Variants in MACROD2 observed in about 807,000 individuals in gnomAD.
MACROD2 encodes ADP-ribose glycohydrolase MACROD2.
A neutral mutation model predicts 70.4 loss-of-function variants in MACROD2; 36 were observed. The ratio of observed to expected loss-of-function variants is 0.51; its 90% confidence interval spans 0.39 to 0.68. MACROD2 has a LOEUF of 0.68. Ranked by LOEUF, MACROD2 falls within the 30% of genes least tolerant of loss-of-function variation. The pLI, the probability that MACROD2 is intolerant of heterozygous loss-of-function variation, is 0.00. For synonymous variants in MACROD2, 172 were observed against 178.8 expected, an observed-to-expected ratio of 0.96 and a Z score of 0.30; for missense variants, 496 against 538.4, an observed-to-expected ratio of 0.92 and a Z score of 0.78.
At chr20:15,911,703 AAG>A (rs1395108431) in intron 10 of MACROD2, among the ~76,000 whole-genome samples, 6 of 152,192 alleles carry the variant, frequency 3.9e-5, no homozygotes, top group African/African-American at 1.4e-4. Flanking sequence ...AGCTAAACAA[AAG>A]AGAGAGTGCC....
intron 6 of MACROD2, among the ~76,000 whole-genome samples, chr20:15,396,311 A>C (rs2045859814): frequency 6.6e-6 from 1 of 152,236 alleles, no homozygotes; most frequent in Non-Finnish European, 1.5e-5. Context: ...TAGCTCTATG[A>C]GTCAGGTGCC....
At chr20:15,452,608 C>T (rs1164494053) in intron 7 of MACROD2, among the ~76,000 whole-genome samples, 1 of 152,114 alleles carries the variant, frequency 6.6e-6, no homozygotes, top group African/African-American at 2.4e-5. Flanking sequence ...TGAATCACAT[C>T]AAGCAAGAAT....
intron 3 of MACROD2, among the ~76,000 whole-genome samples, chr20:14,468,027 C>A (rs1180799589): frequency 6.6e-6 from 1 of 151,906 alleles, no homozygotes; most frequent in African/African-American, 2.4e-5. Context: ...GTTTTACTTC[C>A]AATAATGTGG....
At chr20:14,071,261 T>TTTG (rs1569145249) in intron 2 of MACROD2, among the ~76,000 whole-genome samples, 3 of 114,690 alleles carry the variant, frequency 2.6e-5, no homozygotes, top group Non-Finnish European at 5.9e-5. Context: ...TGTTTTTTTT[T>TTTG]TTTTTTTTTT....
chr20:15,785,655 G>C (rs969202312), intron 8 of MACROD2, among the ~76,000 whole-genome samples: 7 of 152,094 alleles, frequency 4.6e-5, no homozygotes, highest in South Asian at 4.1e-4. Flanking sequence ...TTGAAGCAGA[G>C]AGCCCTAACT....
At chr20:14,705,572 G>A (rs1286793540) in intron 5 of MACROD2, among the ~76,000 whole-genome samples, 2 of 152,044 alleles carry the variant, frequency 1.3e-5, no homozygotes, top group African/African-American at 4.8e-5. Context: ...AAATCAGAAG[G>A]TTGCAGACTG....
In MACROD2 at chr20:15,353,165, A is replaced by G. The variant is rs1268405426; in HGVS notation, c.541-78240A>G. Among the ~76,000 whole-genome samples the G allele has an allele frequency of 2.6e-5, 4 of 151,002 alleles. No homozygotes were observed. In the East Asian group the frequency reaches 5.8e-4, roughly 22 times the overall value. On this transcript the variant is annotated intron_variant, in intron 6 of 17. Coordinates refer to ENST00000684519, the MANE Select transcript of MACROD2 (RefSeq NM_001351661.2). ...GGTACCAAAACAGAGATATAGATCA[A>G]TGGAACAGAACAGAGCCCTCAGAAA...
Position 14,278,353 on chromosome 20 carries a change from G to A in MACROD2, c.271+192625G>A, listed in dbSNP as rs538897637. Among the ~76,000 whole-genome samples the A allele has an allele frequency of 1.3e-4, 20 of 152,258 alleles. No individual in the cohort carries two copies. In the South Asian group the frequency reaches 3.9e-3, roughly 30 times the overall value. On this transcript the variant is annotated intron_variant, in intron 3 of 17. Transcript: ENST00000684519. ...TTGTTGCCAGTTGGCTTTTTTATAT[G>A]GAATGTAGCTGGGCAGTGGTGAGAG...
At position 15,986,755 on chromosome 20, in the gene MACROD2, A is replaced by T. The variant is rs781642769; in HGVS notation, c.1014A>T (p.Glu338Asp). The T allele has an allele frequency of 6.2e-7, 1 of 1,613,510 alleles. No homozygotes were observed. Among genetic ancestry groups the T allele is most frequent in the South Asian group, 1.1e-5 (1 of 91,056 alleles). ...DGQENDSTKN[E>D]IKIETESQSS... ...AAGAGAATGATTCAACGAAGAATGA[A>T]ATAAAAATTGAAACAGAATCGCAGA... is the stretch of plus-strand genomic sequence containing the variant. Residue 338 changes from glutamate (E) to aspartate (D), a missense_variant, in exon 14 of 18, where the codon GAA (glutamate) becomes GAT (aspartate). Transcript: ENST00000684519.
chr20:14,277,253 T>C (rs1005958027), intron 3 of MACROD2, among the ~76,000 whole-genome samples: 1 of 151,924 alleles, frequency 6.6e-6, no homozygotes, highest in Non-Finnish European at 1.5e-5. Flanking sequence ...AGTAAGACCA[T>C]CCTGGCCAAC....
At chr20:15,726,076 T>A (rs2050858480) in intron 8 of MACROD2, among the ~76,000 whole-genome samples, 1 of 152,114 alleles carries the variant, frequency 6.6e-6, no homozygotes, top group Non-Finnish European at 1.5e-5. Flanking sequence ...ATCGCTCTCT[T>A]CTCTCACTCT....
intron 8 of MACROD2, among the ~76,000 whole-genome samples, chr20:15,660,100 T>C (rs2049797263): frequency 6.6e-6 from 1 of 152,066 alleles, no homozygotes; most frequent in Admixed American, 6.6e-5. Flanking sequence ...TAAATATTTA[T>C]TAAGTGAATG....
chr20:14,625,836 T>A (rs1335349779), intron 4 of MACROD2, among the ~76,000 whole-genome samples: 1 of 152,134 alleles, frequency 6.6e-6, no homozygotes, highest in Non-Finnish European at 1.5e-5. Flanking sequence ...GTTGTTGTTG[T>A]TTTTCAGATG....
At chr20:14,632,793 T>C (rs1984584722) in intron 4 of MACROD2, among the ~76,000 whole-genome samples, 2 of 152,248 alleles carry the variant, frequency 1.3e-5, no homozygotes, top group Non-Finnish European at 1.5e-5. Context: ...TCTCTTATGA[T>C]AATATTTTAA....
intron 10 of MACROD2, among the ~76,000 whole-genome samples, chr20:15,908,457 C>T (rs1371301588): frequency 6.6e-6 from 1 of 152,198 alleles, no homozygotes; most frequent in Non-Finnish European, 1.5e-5. Flanking sequence ...ATTCCCTTGA[C>T]TCTGCCCACA....
chr20:14,275,504 G>A (rs1365133245), intron 3 of MACROD2, among the ~76,000 whole-genome samples: 2 of 151,474 alleles, frequency 1.3e-5, no homozygotes, highest in South Asian at 2.1e-4. Flanking sequence ...AGACTTAAAC[G>A]TTAGACCTAA....
intron 3 of MACROD2, among the ~76,000 whole-genome samples, chr20:14,477,836 G>A (rs2084615628): frequency 6.6e-6 from 1 of 152,114 alleles, no homozygotes; most frequent in African/African-American, 2.4e-5. Context: ...GATGTTAAGG[G>A]ATACTTTTCT....
intron 3 of MACROD2, among the ~76,000 whole-genome samples, chr20:14,313,822 C>A (rs1688364212): frequency 6.6e-6 from 1 of 152,176 alleles, no homozygotes. Flanking sequence ...TAGACTGTCT[C>A]TCTCAAGAAC....
chr20:15,153,345 C>T (rs1050669784), intron 5 of MACROD2, among the ~76,000 whole-genome samples: 2 of 151,930 alleles, frequency 1.3e-5, no homozygotes, highest in Non-Finnish European at 2.9e-5. Flanking sequence ...GAGTAGGGGT[C>T]ACAAGGTGCT....
Sources: gnomAD v4.1 joint callset for allele counts (sites outside exome capture counted in the v4.1 genomes callset) on GRCh38, gnomAD v4.1.1 for gene constraint, MANE v1.5 for transcripts, NCBI Gene and HGNC (gene_info 2026-07-23, HGNC 2026-07-21) for gene names.